Variants in SAMD5 observed in about 807,000 individuals in gnomAD.
The protein encoded by SAMD5 is sterile alpha motif domain-containing protein 5.
In SAMD5, 13 loss-of-function variants were observed where a neutral mutation model predicts 11.3. That is an observed-to-expected ratio of 1.15 (90% CI 0.75 to 1.83). The LOEUF (loss-of-function observed/expected upper bound fraction) is 1.83. Among genes scored for constraint, SAMD5 ranks in the 40% most tolerant of loss-of-function variants. The pLI is 0.00. For synonymous variants in SAMD5, 129 were observed against 111.3 expected (o/e 1.16, Z -1.00); for missense variants, 255 against 239.1 (o/e 1.07, Z -0.44).
At chr6:147,678,610 C>A (rs1314343578) in intron 1 of SAMD5, among the ~76,000 whole-genome samples, 1 of 152,146 alleles carries the variant, frequency 6.6e-6, no homozygotes, top group Non-Finnish European at 1.5e-5. Context: ...CCTGTTACCT[C>A]TCCTCATCAA....
Position 147,569,985 on chromosome 6 carries a change from T to C in SAMD5, c.*5529T>C. On this transcript the variant is annotated 3_prime_UTR_variant, in exon 2 of 2. Transcript: ENST00000367474. ...ATGCACACTGTGATTTGCAAACATA[T>C]GTCCGCTCTTCAATAAATGTTACGG... The C allele has an allele frequency of 1.0e-6, 1 of 985,070 alleles. No individual in the cohort carries two copies. Among genetic ancestry groups the C allele is most frequent in the South Asian group, 4.7e-5 (1 of 21,286 alleles). 61.0% of individuals were successfully genotyped at this position (985,070 alleles called of 1,614,324 possible). A position where few individuals can be genotyped will look rare whatever the true frequency, so the allele number is the denominator to read the frequency against.
chr6:147,897,026 G>A, the SAMD5 span, among the ~76,000 whole-genome samples: 55 of 152,214 alleles, frequency 3.6e-4, 1 homozygote, highest in East Asian at 3.9e-3. Flanking sequence ...CGGGGGAAGT[G>A]ACTGCTAATG....
chr6:147,697,239 G>A (rs1230314166), intron 1 of SAMD5, among the ~76,000 whole-genome samples: 5 of 152,238 alleles, frequency 3.3e-5, no homozygotes, highest in Non-Finnish European at 7.3e-5. Flanking sequence ...CAGCCAAGGA[G>A]ATGGGAGCTC....
the SAMD5 span, among the ~76,000 whole-genome samples, chr6:147,821,293 G>C: frequency 6.6e-6 from 1 of 152,086 alleles, no homozygotes; most frequent in South Asian, 2.1e-4. Flanking sequence ...TTTTTGTTTT[G>C]AGTAGATGTC....
the SAMD5 span, among the ~76,000 whole-genome samples, chr6:147,873,375 CAAA>C: frequency 1.9e-5 from 2 of 105,658 alleles, no homozygotes; most frequent in Non-Finnish European, 2.0e-5. Context: ...GACTCCATCT[CAAA>C]AAAAAAAAAA....
chr6:147,867,711 G>T, the SAMD5 span, among the ~76,000 whole-genome samples: 1 of 152,170 alleles, frequency 6.6e-6, no homozygotes, highest in Non-Finnish European at 1.5e-5. Context: ...GCCAAAGGAG[G>T]ATTGGTCCTT....
chr6:147,754,347 C>CTTTT, the SAMD5 span, among the ~76,000 whole-genome samples: 2,476 of 130,602 alleles, frequency 0.019, 50 homozygotes, highest in Middle Eastern at 0.045. Flanking sequence ...ATTTGTATGT[C>CTTTT]TTTTTTTTTT....
chr6:147,567,989 G>C lies in SAMD5; in HGVS notation c.*3533G>C. 1.0e-6 allele frequency: 1 copy of C among 985,556 alleles called. No individual in the cohort carries two copies. The highest frequency in any genetic ancestry group is 1.2e-6 in the Non-Finnish European group (1 of 830,064). The allele number at this position is 985,556 out of a possible 1,614,324, so 61.1% of individuals were successfully genotyped here. On this transcript the variant is annotated 3_prime_UTR_variant, in exon 2 of 2. Transcript: ENST00000367474. The stretch of plus-strand genomic sequence containing the variant: ...AGCAGTTTTCAAGTCTGGGGAAATA[G>C]GCACATGGACAGATTATATGAAGGT...
At chr6:147,581,820 G>A (rs1039190128) in intron 1 of SAMD5, among the ~76,000 whole-genome samples, 1 of 152,134 alleles carries the variant, frequency 6.6e-6, no homozygotes, top group African/African-American at 2.4e-5. Flanking sequence ...AGAGGGAGCT[G>A]GAATAGCTAT....
chr6:147,522,950 T>C (rs1409929236), intron 1 of SAMD5, among the ~76,000 whole-genome samples: 1 of 152,194 alleles, frequency 6.6e-6, no homozygotes, highest in Non-Finnish European at 1.5e-5. Context: ...TTAATTTGAA[T>C]CTCTACTGAT....
At chr6:147,884,870 T>C in the SAMD5 span, among the ~76,000 whole-genome samples, 3 of 152,208 alleles carry the variant, frequency 2.0e-5, no homozygotes, top group Non-Finnish European at 4.4e-5. Flanking sequence ...ATTTGCATTA[T>C]TAGGGAGTTG....
At chr6:147,616,754 G>A (rs1290728148) in intron 1 of SAMD5, among the ~76,000 whole-genome samples, 4 of 152,144 alleles carry the variant, frequency 2.6e-5, no homozygotes, top group Non-Finnish European at 2.9e-5. Context: ...CATGGCAGAA[G>A]GTGAAGGAGA....
At chr6:147,596,662 G>T (rs1424337131) in intron 1 of SAMD5, among the ~76,000 whole-genome samples, 1 of 152,120 alleles carries the variant, frequency 6.6e-6, no homozygotes, top group Non-Finnish European at 1.5e-5. Context: ...AAAACTATGA[G>T]AATGATAAAC....
the SAMD5 span, among the ~76,000 whole-genome samples, chr6:147,926,389 G>A: frequency 6.6e-6 from 1 of 152,138 alleles, no homozygotes; most frequent in African/African-American, 2.4e-5. Flanking sequence ...TGACTGGTGT[G>A]AGATGGCATC....
At chr6:147,671,513 C>A in intron 1 of SAMD5, among the ~76,000 whole-genome samples, 1 of 152,192 alleles carries the variant, frequency 6.6e-6, no homozygotes, top group African/African-American at 2.4e-5. Context: ...AAGGTTTAAG[C>A]ACTTTTAACA....
At chr6:147,883,539 G>C in the SAMD5 span, among the ~76,000 whole-genome samples, 1 of 149,848 alleles carries the variant, frequency 6.7e-6, no homozygotes. Flanking sequence ...ATAGAAAACT[G>C]TTCTGTAAAT....
intron 1 of SAMD5, among the ~76,000 whole-genome samples, chr6:147,525,482 A>C (rs896444491): frequency 4.0e-5 from 6 of 151,758 alleles, no homozygotes; most frequent in African/African-American, 1.5e-4. Flanking sequence ...AATGGTGTTT[A>C]ATCTTTCAGT....
the SAMD5 span, among the ~76,000 whole-genome samples, chr6:147,823,834 A>G: frequency 6.6e-6 from 1 of 152,184 alleles, no homozygotes; most frequent in Non-Finnish European, 1.5e-5. Context: ...ATTAACTTAC[A>G]TTTATATATT....
At chr6:147,856,574 C>G in the SAMD5 span, among the ~76,000 whole-genome samples, 2 of 152,094 alleles carry the variant, frequency 1.3e-5, no homozygotes, top group African/African-American at 4.8e-5. Flanking sequence ...AGTGACCTTA[C>G]ACTTGATAGG....
Sources: gnomAD v4.1 joint callset for allele counts (sites outside exome capture counted in the v4.1 genomes callset) on GRCh38, gnomAD v4.1.1 for gene constraint, MANE v1.5 for transcripts, NCBI Gene and HGNC (gene_info 2026-07-23, HGNC 2026-07-21) for gene names.